KEL: variants seen among roughly 807,000 people sequenced by gnomAD.
KEL encodes the protein kell blood group glycoprotein.
A neutral mutation model predicts 99.5 loss-of-function variants in KEL; 96 were observed. The observed-to-expected ratio is 0.97, with a 90% CI of 0.82 to 1.14. KEL has a LOEUF of 1.14. KEL is among the 50% of genes most tolerant of loss of function. The pLI is 0.00. For synonymous variants in KEL, 355 were observed against 354.8 expected, an observed-to-expected ratio of 1.00 and a Z score of -0.01; for missense variants, 926 against 924.2, an observed-to-expected ratio of 1.00 and a Z score of -0.03.
At chr7:142,954,057 G>A in intron 8 of KEL, 101 bp from the exon 9 acceptor site, 1 of 1,441,748 alleles carries the variant, frequency 6.9e-7, no homozygotes, top group South Asian at 1.1e-5. Context: ...AGGCTAACTG[G>A]GGGAGGGGAT....
chr7:142,949,700 C>T (rs1213170974), intron 10 of KEL, among the ~76,000 whole-genome samples: 1 of 152,088 alleles, frequency 6.6e-6, no homozygotes, highest in Non-Finnish European at 1.5e-5. Flanking sequence ...TAACCTGACC[C>T]GATGCCCTTC....
At chr7:142,957,732 C>T (rs1796860616) in intron 6 of KEL, 95 bp downstream of exon 6, 1 of 1,489,628 alleles carries the variant, frequency 6.7e-7, no homozygotes, top group African/African-American at 1.4e-5. Context: ...CACAGGTGTC[C>T]TCTCTTCCCA....
At chr7:142,943,711 T>C (rs928484605) in intron 14 of KEL, 72 bp downstream of exon 14, 4 of 1,514,150 alleles carry the variant, frequency 2.6e-6, no homozygotes, top group Non-Finnish European at 3.7e-6. Context: ...CCCTGAGCCC[T>C]GGCTTCCTTT....
chr7:142,960,951 T>C lies in KEL; in HGVS notation c.377A>G (p.Lys126Arg), dbSNP rs1368428278. Reference protein sequence around the residue: ...NSFQELATKNKNRLRRILEVQ... With the variant: ...NSFQELATKNRNRLRRILEVQ... ...ACCCAGTATTCTCCGAAGTCGGTTT[T>C]TGTTCTTTGTGGCAAGCTCCTGAAA... The change falls in exon 4 of 19, where the codon AAA becomes AGA. Residue 126 changes from lysine (K) to arginine (R), a missense_variant. By Grantham distance (26) the Lys-to-Arg change is conservative (BLOSUM62 2). Transcript: ENST00000355265. 3 of 1,614,234 alleles carry C rather than the reference T, an allele frequency of 1.9e-6. No homozygotes were observed. The South Asian group carries it at 3.3e-5, about 18-fold the overall frequency.
At chr7:142,945,711 C>G (rs961429647) in intron 11 of KEL, among the ~76,000 whole-genome samples, 1 of 152,018 alleles carries the variant, frequency 6.6e-6, no homozygotes, top group Admixed American at 6.5e-5. Flanking sequence ...TCACTGCAAC[C>G]TCTGCCGCCC....
Position 142,958,426 on chromosome 7 carries a change from C to T in KEL, c.403G>A (p.Val135Ile). The T allele has an allele frequency of 3.1e-6, 5 of 1,613,902 alleles. No homozygotes were observed. Among genetic ancestry groups the T allele is most frequent in the Non-Finnish European group, 4.2e-6 (5 of 1,179,998 alleles). Residue 135 changes from valine (V) to isoleucine (I), a missense_variant and splice_region_variant, in exon 5 of 19, where the codon GTC becomes ATC. By Grantham distance (29) the Val-to-Ile change is conservative. Coordinates refer to ENST00000355265, the MANE Select transcript of KEL (RefSeq NM_000420.3). ...NKNRLRRILEVQNSWHPGSGE... is the reference protein window; with the variant it reads ...NKNRLRRILEIQNSWHPGSGE... ...GAGCCTGGGTGCCAGGAATTCTGGACCTCTAGAAAGGAAGCATGGGAGTGA... is the reference window on the plus strand; with the variant it reads ...GAGCCTGGGTGCCAGGAATTCTGGATCTCTAGAAAGGAAGCATGGGAGTGA...
Position 142,942,528 on chromosome 7 carries a change from G to T in KEL, c.1943C>A (p.Ala648Glu). Residue 648 changes from alanine (A) to glutamate (E), a missense_variant and splice_region_variant, in exon 18 of 19, where the codon GCA (alanine) becomes GAA (glutamate). Ala to Glu is a moderately radical substitution (Grantham distance 107, BLOSUM62 -1). Transcript: ENST00000355265. ...DVGGLAIALQ[A>E]YSKRLLRHHG... Reference sequence around the variant, plus strand: ...GTGCCGTAACAGCCTCTTGCTGTATGCCTGGGTAGGGGTGGGTAGAGAAGG... The same window carrying T: ...GTGCCGTAACAGCCTCTTGCTGTATTCCTGGGTAGGGGTGGGTAGAGAAGG... 6.2e-7 allele frequency: 1 copy of T among 1,602,600 alleles called. No individual in the cohort carries two copies. The highest frequency in any genetic ancestry group is 8.5e-7 in the Non-Finnish European group (1 of 1,173,496).
rs1300443445 is a variant in KEL at position 142,961,513 on chromosome 7, A to T, written c.82-12T>A. On this transcript the variant is annotated splice_polypyrimidine_tract_variant and intron_variant, in intron 2 of 18. Transcript: ENST00000355265. ...TCTTCTGGAGTGCTCTGTGGGAGGAACCAAGAGGTGAAAGATACAAGATGG... is the reference window on the plus strand; with the variant it reads ...TCTTCTGGAGTGCTCTGTGGGAGGATCCAAGAGGTGAAAGATACAAGATGG... 1 of 1,584,808 alleles carries T rather than the reference A, an allele frequency of 6.3e-7. No homozygotes were observed. The highest frequency in any genetic ancestry group is 1.8e-5 in the Admixed American group (1 of 54,136).
Position 142,946,261 on chromosome 7 carries a change from G to C in KEL, c.1260C>G (p.Pro420=), listed in dbSNP as rs908965869. ...CVEETGTFFE[P]TLAALFVREA... ...CACGAACAAACAAAGCCGCCAGCGT[G>C]GGCTCGAAGAACGTGCCTGTCTCCT... Residue 420 remains proline (P), a synonymous_variant, in exon 11 of 19, where the codon CCC becomes CCG. Transcript: ENST00000355265. The C allele has an allele frequency of 1.2e-6, 2 of 1,614,048 alleles. No homozygotes were observed. Among genetic ancestry groups the C allele is most frequent in the African/African-American group, 2.7e-5 (2 of 74,928 alleles).
At chr7:142,955,176 A>T (rs182870768) in intron 6 of KEL, among the ~76,000 whole-genome samples, 18 of 152,296 alleles carry the variant, frequency 1.2e-4, no homozygotes, top group African/African-American at 3.6e-4. Context: ...ACTCTTTTTT[A>T]AAAAAACTCA....
intron 11 of KEL, 150 bp downstream of exon 11, chr7:142,946,057 C>T (rs1796515589): frequency 3.0e-6 from 2 of 661,970 alleles, no homozygotes; most frequent in Admixed American, 2.2e-5. Context: ...TGGAGCAGGC[C>T]TTTGGGTTCC....
At position 142,943,882 on chromosome 7, in the gene KEL, A is replaced by T. The variant is rs1323998393; in HGVS notation, c.1493T>A (p.Ile498Lys). 1 of 1,613,842 alleles carries T rather than the reference A, an allele frequency of 6.2e-7. No homozygotes were observed. The highest frequency in any genetic ancestry group is 1.1e-5 in the South Asian group (1 of 91,056). The change falls in exon 14 of 19, where the codon ATA becomes AAA. Residue 498 changes from isoleucine (I) to lysine (K), a missense_variant and splice_region_variant. By Grantham distance (102) the Ile-to-Lys change is moderately radical. Transcript: ENST00000355265. Reference sequence around the variant, plus strand: ...CTGCAGGAAGCTCGATCCAAGCTGTATCTGGGGAAGAGGCAGGAGGTGACT... The same window carrying T: ...CTGCAGGAAGCTCGATCCAAGCTGTTTCTGGGGAAGAGGCAGGAGGTGACT... ...PELARQEYND[I>K]QLGSSFLQSV...
Position 142,957,924 on chromosome 7 carries a change from C to G in KEL, c.575G>C (p.Arg192Pro), listed in dbSNP as rs754663945. The change falls in exon 6 of 19, where the codon CGA (arginine) becomes CCA (proline). Residue 192 changes from arginine (R) to proline (P), a missense_variant. Coordinates refer to ENST00000355265, the MANE Select transcript of KEL (RefSeq NM_000420.3). ...CTGACTCATCAGAAGTCTCAGCGTTCGGTTAAAGTTTAAGGAAGTCCATTT... is the reference window on the plus strand; with the variant it reads ...CTGACTCATCAGAAGTCTCAGCGTTGGGTTAAAGTTTAAGGAAGTCCATTT... ...SGKWTSLNFN[R>P]TLRLLMSQYG... 2.5e-6 allele frequency: 4 copies of G among 1,613,946 alleles called. No individual in the cohort carries two copies. The Admixed American group carries it at 6.7e-5, about 27-fold the overall frequency.
intron 10 of KEL, among the ~76,000 whole-genome samples, chr7:142,951,690 A>G (rs1796689771): frequency 6.6e-6 from 1 of 152,222 alleles, no homozygotes; most frequent in Non-Finnish European, 1.5e-5. Flanking sequence ...TTGATAAGCA[A>G]TAACTACATT....
At chr7:142,957,996 T>C (rs753571146) in intron 5 of KEL, 23 bp from the exon 6 acceptor site, 1 of 1,611,716 alleles carries the variant, frequency 6.2e-7, no homozygotes, top group Non-Finnish European at 8.5e-7. Flanking sequence ...GAGAGGGGGC[T>C]GAGCATAAGG....
At chr7:142,948,469 G>A (rs765976733) in intron 10 of KEL, among the ~76,000 whole-genome samples, 11 of 152,116 alleles carry the variant, frequency 7.2e-5, no homozygotes, top group Non-Finnish European at 1.5e-4. Flanking sequence ...CTAAGAGTCC[G>A]GAGGGAAGCA....
At chr7:142,951,811 A>C (rs529782362) in intron 10 of KEL, among the ~76,000 whole-genome samples, 1 of 152,136 alleles carries the variant, frequency 6.6e-6, no homozygotes, top group Non-Finnish European at 1.5e-5. Context: ...CTAAGAAAAA[A>C]AATCCAGTGA....
intron 7 of KEL, 45 bp downstream of exon 7, chr7:142,954,420 C>T (rs769200744): frequency 6.2e-7 from 1 of 1,611,716 alleles, no homozygotes; most frequent in Non-Finnish European, 8.5e-7. Context: ...CCCTGCTTTT[C>T]TCCTGGCCTC....
chr7:142,961,181 T>A, intron 3 of KEL, 77 bp from the exon 4 acceptor site: 1 of 1,552,944 alleles, frequency 6.4e-7, no homozygotes, highest in African/African-American at 1.4e-5. Context: ...GCAAAGAACA[T>A]CAGGTGAGTA....
Sources: allele counts gnomAD v4.1 joint callset (sites outside exome capture counted in the v4.1 genomes callset), GRCh38; gene constraint gnomAD v4.1.1; transcripts MANE v1.5; gene names NCBI Gene and HGNC (gene_info 2026-07-23, HGNC 2026-07-21).